The following MYO18B variants were observed in gnomAD, a reference collection of about 807,000 sequenced individuals.
The protein encoded by MYO18B is unconventional myosin-XVIIIb.
Under a neutral mutation model 273.0 loss-of-function variants are expected in MYO18B, and 204 were observed. The observed-to-expected ratio is 0.75, with a 90% CI of 0.67 to 0.84. The LOEUF is 0.84. MYO18B is among the 40% of genes least tolerant of loss of function. The probability of loss-of-function intolerance (pLI) is 0.00; values close to 1 mark genes in which losing one functional copy is unlikely to be tolerated. For missense variants in MYO18B, 3,212 were observed against 3,287.6 expected, an observed-to-expected ratio of 0.98 and a Z score of 0.56; for synonymous variants, 1,330 against 1,305.7, an observed-to-expected ratio of 1.02 and a Z score of -0.40.
intron 11 of MYO18B, among the ~76,000 whole-genome samples, chr22:25,789,398 G>A (rs2087553994): frequency 6.6e-6 from 1 of 151,994 alleles, no homozygotes; most frequent in South Asian, 2.1e-4. Flanking sequence ...CACGTTGGGA[G>A]GCTGAGGCGG....
intron 1 of MYO18B, among the ~76,000 whole-genome samples, chr22:25,760,616 G>A (rs984182303): frequency 3.3e-5 from 5 of 152,054 alleles, no homozygotes; most frequent in Non-Finnish European, 5.9e-5. Context: ...CTTTACCATA[G>A]ATTAGATTTG....
rs145448923 is a variant in MYO18B at position 25,930,639 on chromosome 22, T to C, written c.5517+9230T>C. Among the ~76,000 whole-genome samples, 761 of 151,788 alleles carry C rather than the reference T, an allele frequency of 5.0e-3. 5 individuals carry two copies. Among genetic ancestry groups the C allele is most frequent in the African/African-American group, 0.017 (711 of 41,412 alleles). On this transcript the variant is annotated intron_variant, in intron 34 of 43. Coordinates refer to ENST00000335473, the MANE Select transcript of MYO18B (RefSeq NM_032608.7). ...GGCATGCACCACCACACCTGGCTAATTGTTCTGTATTTTTGCTAGAGACAA... is the reference window on the plus strand; with the variant it reads ...GGCATGCACCACCACACCTGGCTAACTGTTCTGTATTTTTGCTAGAGACAA...
intron 34 of MYO18B, among the ~76,000 whole-genome samples, chr22:25,935,072 G>A (rs576626603): frequency 6.6e-6 from 1 of 152,188 alleles, no homozygotes; most frequent in Non-Finnish European, 1.5e-5. Context: ...ACCATTAATA[G>A]TGTAACTGAA....
Position 25,998,415 on chromosome 22 carries a change from G to A in MYO18B, c.6288-4850G>A, listed in dbSNP as rs114133655. ...TAGAGAGGTCAGTGAATGACCTCTT[G>A]CTCTTGGGTCGGCTGAAAGTGCATA... On this transcript the variant is annotated intron_variant, in intron 40 of 43. Transcript: ENST00000335473. 9.4e-3 allele frequency among the ~76,000 whole-genome samples: 1,432 copies of A among 152,284 alleles called. 25 individuals carry two copies. Among genetic ancestry groups the A allele is most frequent in the African/African-American group, 0.033 (1,358 of 41,542 alleles).
At chr22:25,843,046 G>A (rs1327018912) in intron 17 of MYO18B, among the ~76,000 whole-genome samples, 1 of 152,132 alleles carries the variant, frequency 6.6e-6, no homozygotes, top group Non-Finnish European at 1.5e-5. Context: ...CACTCTGGGA[G>A]GTATGCTTTA....
chr22:26,042,184 T>C, the MYO18B span, among the ~76,000 whole-genome samples: 1 of 152,188 alleles, frequency 6.6e-6, no homozygotes, highest in Non-Finnish European at 1.5e-5. Flanking sequence ...AGGCCTGGTG[T>C]TCAATGCCAG....
intron 42 of MYO18B, among the ~76,000 whole-genome samples, chr22:26,011,703 T>A (rs1386920547): frequency 6.6e-6 from 1 of 152,202 alleles, no homozygotes; most frequent in Non-Finnish European, 1.5e-5. Flanking sequence ...ATCACATAAT[T>A]AGTGATGCTG....
chr22:25,827,403 A>T (rs1163375730), intron 14 of MYO18B, among the ~76,000 whole-genome samples: 2 of 152,082 alleles, frequency 1.3e-5, no homozygotes, highest in Non-Finnish European at 2.9e-5. Context: ...TGTGCCTCTG[A>T]TGTGTGTCTG....
intron 9 of MYO18B, 49 bp downstream of exon 9, chr22:25,780,247 C>T (rs2087084774): frequency 1.3e-6 from 2 of 1,562,696 alleles, no homozygotes; most frequent in Non-Finnish European, 1.7e-6. Context: ...GCTGCTGTGT[C>T]TCTAACCCCG....
At chr22:25,847,936 AACACACACAC>A (rs1331432450) in intron 20 of MYO18B, among the ~76,000 whole-genome samples, 1 of 123,358 alleles carries the variant, frequency 8.1e-6, no homozygotes, top group African/African-American at 3.3e-5. Context: ...TTCTTCTGAA[AACACACACAC>A]ATACACACAC....
intron 21 of MYO18B, among the ~76,000 whole-genome samples, chr22:25,852,799 A>G (rs1278389361): frequency 6.6e-6 from 1 of 152,142 alleles, no homozygotes; most frequent in Non-Finnish European, 1.5e-5. Context: ...CTTCAAACTG[A>G]CTTGAATTTG....
At chr22:25,842,566 G>A (rs561180070) in intron 17 of MYO18B, among the ~76,000 whole-genome samples, 4 of 151,982 alleles carry the variant, frequency 2.6e-5, no homozygotes, top group African/African-American at 9.7e-5. Flanking sequence ...CAGCTACTGA[G>A]GAGGCTGAGG....
the MYO18B span, among the ~76,000 whole-genome samples, chr22:26,050,467 T>G: frequency 6.6e-6 from 1 of 152,172 alleles, no homozygotes; most frequent in Non-Finnish European, 1.5e-5. Flanking sequence ...CTGCTGGTGT[T>G]GGGTGGAGGG....
rs114692336 is a variant in MYO18B at position 25,777,046 on chromosome 22, C to T, written c.1870-537C>T. ...TTTGTGTTATGCTGTGCCCGAGTGC[C>T]TGCTGCATAGTAGACACTCAATGGA... On this transcript the variant is annotated intron_variant, in intron 7 of 43. Transcript: ENST00000335473. Among the ~76,000 whole-genome samples, 971 of 152,286 alleles carry T rather than the reference C, an allele frequency of 6.4e-3. 6 individuals carry two copies. Among genetic ancestry groups the T allele is most frequent in the African/African-American group, 0.022 (932 of 41,550 alleles).
Position 25,769,254 on chromosome 22 carries a change from G to T in MYO18B, c.1338G>T (p.Glu446Asp). ...GWPGSRGQEAEEPCSRAGDGA... is the reference protein window; with the variant it reads ...GWPGSRGQEADEPCSRAGDGA... Reference sequence around the variant, plus strand: ...CAGGAAGCCGTGGGCAGGAAGCAGAGGAGCCCTGCTCAAGAGCAGGTGATG... The same window carrying T: ...CAGGAAGCCGTGGGCAGGAAGCAGATGAGCCCTGCTCAAGAGCAGGTGATG... Residue 446 changes from glutamate (E) to aspartate (D), a missense_variant, in exon 4 of 44, where the codon GAG becomes GAT. Transcript: ENST00000335473. 1 of 1,594,824 alleles carries T rather than the reference G, an allele frequency of 6.3e-7. No homozygotes were observed. Among genetic ancestry groups the T allele is most frequent in the East Asian group, 2.3e-5 (1 of 43,986 alleles).
intron 34 of MYO18B, among the ~76,000 whole-genome samples, chr22:25,935,106 G>A (rs1040896450): frequency 3.3e-5 from 5 of 152,194 alleles, no homozygotes; most frequent in African/African-American, 4.8e-5. Flanking sequence ...GCTGGCCACC[G>A]CATGTAGAGT....
At chr22:25,950,499 G>C (rs771333101) in intron 37 of MYO18B, 49 bp downstream of exon 37, 265 of 1,164,848 alleles carry the variant, frequency 2.3e-4, no homozygotes, top group Non-Finnish European at 3.1e-4. Flanking sequence ...GGTTTTCTTA[G>C]AGGGACAGAA....
In MYO18B at chr22:26,026,453, A is replaced by G. The variant is rs756611482; in HGVS notation, c.6479A>G (p.Glu2160Gly). The G allele has an allele frequency of 6.2e-7, 1 of 1,605,674 alleles. No homozygotes were observed. Among genetic ancestry groups the G allele is most frequent in the Non-Finnish European group, 8.5e-7 (1 of 1,175,358 alleles). Reference protein sequence around the residue: ...SSRILSPRINEEAGDTERTQS... With the variant: ...SSRILSPRINGEAGDTERTQS... ...TTTTCTTCTTGGCACAGGATAAACG[A>G]AGAGGCTGGGGACACTGAGAGGACC... is the stretch of plus-strand genomic sequence containing the variant. The change falls in exon 43 of 44, where the codon GAA becomes GGA. Residue 2160 changes from glutamate to glycine, a missense_variant. By Grantham distance (98) the Glu-to-Gly change is moderately conservative (BLOSUM62 -2). Coordinates refer to ENST00000335473, the MANE Select transcript of MYO18B (RefSeq NM_032608.7).
rs2090203915 is a variant in MYO18B at position 25,845,322 on chromosome 22, T to G, written c.3369-778T>G. ...TCACGAGGTCAAGAGATCGAGACCATCCTGGCCAACATGGTGAAACCCTGT... is the reference window on the plus strand; with the variant it reads ...TCACGAGGTCAAGAGATCGAGACCAGCCTGGCCAACATGGTGAAACCCTGT... On this transcript the variant is annotated intron_variant, in intron 18 of 43. Transcript: ENST00000335473. Among the ~76,000 whole-genome samples the G allele has an allele frequency of 2.6e-5, 4 of 152,082 alleles. No homozygotes were observed. In the South Asian group the frequency reaches 6.2e-4, roughly 24 times the overall value.
Sources: gnomAD v4.1 joint callset for allele counts (sites outside exome capture counted in the v4.1 genomes callset) on GRCh38, gnomAD v4.1.1 for gene constraint, MANE v1.5 for transcripts, NCBI Gene and HGNC (gene_info 2026-07-23, HGNC 2026-07-21) for gene names.